Variants in ANXA11 observed in about 807,000 individuals in gnomAD.
The protein encoded by ANXA11 is 56 kDa autoantigen.
In ANXA11, 57 loss-of-function variants were observed where a neutral mutation model predicts 64.7. That is an observed-to-expected ratio of 0.88 (90% CI 0.71 to 1.10). The LOEUF is 1.10. Ranked by LOEUF, ANXA11 falls within the 50% of genes least tolerant of loss-of-function variation. The probability of loss-of-function intolerance (pLI) is 0.00; values close to 1 mark genes in which losing one functional copy is unlikely to be tolerated. For missense variants in ANXA11, 675 were observed against 670.7 expected (o/e 1.01, Z -0.07); for synonymous variants, 260 against 265.2 (o/e 0.98, Z 0.19).
chr10:80,178,830 C>G (rs1024061304), intron 1 of ANXA11, among the ~76,000 whole-genome samples: 1 of 152,186 alleles, frequency 6.6e-6, no homozygotes, highest in Non-Finnish European at 1.5e-5. Flanking sequence ...GCCCTAGCCC[C>G]CATATTCTGG....
chr10:80,181,344 C>G (rs990275338), intron 1 of ANXA11: 2 of 152,226 alleles, frequency 1.3e-5, no homozygotes, highest in Admixed American at 1.3e-4. Flanking sequence ...GTGGTCCCAG[C>G]TACTCTACTC....
intron 1 of ANXA11, among the ~76,000 whole-genome samples, chr10:80,187,998 C>T (rs1041718629): frequency 1.2e-4 from 19 of 152,038 alleles, no homozygotes; most frequent in African/African-American, 4.1e-4. Context: ...CTTCTCTAAA[C>T]CCTTCCCTCA....
At chr10:80,201,966 C>A (rs1003015421) in intron 1 of ANXA11, among the ~76,000 whole-genome samples, 2 of 152,192 alleles carry the variant, frequency 1.3e-5, no homozygotes, top group African/African-American at 4.8e-5. Flanking sequence ...AATTTCCTTT[C>A]CTTCTTTTCT....
At chr10:80,174,449 G>GT (rs370423454) in intron 2 of ANXA11, among the ~76,000 whole-genome samples, 33 of 152,074 alleles carry the variant, frequency 2.2e-4, no homozygotes, top group African/African-American at 7.7e-4. Context: ...GCTAATTTTT[G>GT]TATTTTTAGC....
chr10:80,154,123 C>CA lies in ANXA11; in HGVS notation c.*1729dup, dbSNP rs1354031101. 7.1e-6 allele frequency: 1 copy of CA among 141,194 alleles called. No homozygotes were observed. The highest frequency in any genetic ancestry group is 2.1e-4 in the East Asian group (1 of 4,836). The allele number at this position is 141,194 out of a possible 1,614,324, so 8.7% of individuals were successfully genotyped here. ...GGTAAATTTTTTTTTTTTTTTGAGA[C>CA]AGAGTCTCACTCTGTCCACCCAGGT... On this transcript the variant is annotated 3_prime_UTR_variant, in exon 16 of 16. Transcript: ENST00000422982.
chr10:80,186,255 T>C (rs1846533978), intron 1 of ANXA11, among the ~76,000 whole-genome samples: 2 of 151,636 alleles, frequency 1.3e-5, no homozygotes, highest in African/African-American at 4.9e-5. Context: ...CCTGGGCTAT[T>C]TGATAATGCC....
rs1297681301 is a variant in ANXA11, at chr10:80,161,987, C to T, written c.1128G>A (p.Glu376=). The T allele has an allele frequency of 6.2e-7, 1 of 1,612,556 alleles. No homozygotes were observed. Among genetic ancestry groups the T allele is most frequent in the Non-Finnish European group, 8.5e-7 (1 of 1,179,884 alleles). Residue 376 remains glutamate, a synonymous_variant, in exon 12 of 16, where the codon GAG becomes GAA. Transcript: ENST00000422982. ...AGCACAGAACCGCATTGAACTTGGA[C>T]TCGTCTGTTCCCAGGCGGTTCTCCC... is the stretch of plus-strand genomic sequence containing the variant. The part of the protein sequence containing the change: ...AAGENRLGTD[E]SKFNAVLCSR...
rs1845298433 is a variant in ANXA11, at chr10:80,156,925, C to CCT, written c.1458+715_1458+716insAG. 5 of 910,232 alleles carry CCT rather than the reference C, an allele frequency of 5.5e-6. No individual in the cohort carries two copies. In the Admixed American group the frequency reaches 3.1e-4, roughly 56 times the overall value. The allele number at this position is 910,232 out of a possible 1,614,324, so 56.4% of individuals were successfully genotyped here. A position where few individuals can be genotyped will look rare whatever the true frequency, so the allele number is the denominator to read the frequency against. ...TGAGTCTAAGGTGGGAGGACGTGGT[C>CCT]CCCATGGTGCAATTGCAAGGCTCAT... is the stretch of plus-strand genomic sequence containing the variant. On this transcript the variant is annotated intron_variant, in intron 15 of 15. Transcript: ENST00000422982.
At chr10:80,179,238 T>A (rs1278381453) in intron 1 of ANXA11, among the ~76,000 whole-genome samples, 1 of 152,080 alleles carries the variant, frequency 6.6e-6, no homozygotes, top group East Asian at 1.9e-4. Context: ...CAGGTTAAGA[T>A]CTGCCTGCCA....
chr10:80,153,023 AAGTGG>A lies in ANXA11; in HGVS notation c.*2825_*2829del, dbSNP rs1236343714. The A allele has an allele frequency of 3.3e-5, 5 of 152,262 alleles. No individual in the cohort carries two copies. Among genetic ancestry groups the A allele is most frequent in the African/African-American group, 1.2e-4 (5 of 41,456 alleles). 9.4% of individuals were successfully genotyped at this position (152,262 alleles called of 1,614,324 possible). A position where few individuals can be genotyped will look rare whatever the true frequency, so the allele number is the denominator to read the frequency against. Reference sequence around the variant, plus strand: ...AACTTACACAAGCAGGTTATATAACAAGTGGAGTATACGCCTGTGACCTAAACTCG... The same window carrying A: ...AACTTACACAAGCAGGTTATATAACAAGTATACGCCTGTGACCTAAACTCG... On this transcript the variant is annotated 3_prime_UTR_variant, in exon 16 of 16. Transcript: ENST00000422982.
intron 1 of ANXA11, among the ~76,000 whole-genome samples, chr10:80,198,896 G>A (rs1840289272): frequency 6.6e-6 from 1 of 152,092 alleles, no homozygotes; most frequent in African/African-American, 2.4e-5. Context: ...AGTATAATAA[G>A]TAATAAGCAA....
intron 1 of ANXA11, among the ~76,000 whole-genome samples, chr10:80,182,702 T>C (rs1195019251): frequency 6.6e-6 from 1 of 152,152 alleles, no homozygotes; most frequent in Non-Finnish European, 1.5e-5. Context: ...TGGCCTCCCA[T>C]TCCCCATATA....
chr10:80,187,307 G>C (rs965506500), intron 1 of ANXA11, among the ~76,000 whole-genome samples: 11 of 152,216 alleles, frequency 7.2e-5, no homozygotes, highest in Admixed American at 7.2e-4. Context: ...ATCCCAGAGG[G>C]CCCAACCCTT....
intron 1 of ANXA11, among the ~76,000 whole-genome samples, chr10:80,203,663 T>TA (rs1407159131): frequency 1.3e-5 from 2 of 151,638 alleles, no homozygotes; most frequent in Non-Finnish European, 2.9e-5. Context: ...GCCACACAAA[T>TA]ACTATGCAAG....
chr10:80,172,876 G>C lies in ANXA11; in HGVS notation c.-8-7C>G. ...GGGTAGCTCATGGTTAGATCTGGAA[G>C]AGAAGACGAAAGCACATTCAGGCTC... On this transcript the variant is annotated splice_region_variant and splice_polypyrimidine_tract_variant and intron_variant, in intron 2 of 15. Transcript: ENST00000422982. 6.2e-7 allele frequency: 1 copy of C among 1,613,762 alleles called. No homozygotes were observed. Among genetic ancestry groups the C allele is most frequent in the Non-Finnish European group, 8.5e-7 (1 of 1,179,812 alleles).
chr10:80,166,342 C>CT, intron 7 of ANXA11, 145 bp from the exon 8 acceptor site: 2 of 590,816 alleles, frequency 3.4e-6, no homozygotes, highest in South Asian at 4.1e-5. Context: ...GAAAAGCCTG[C>CT]TCTCAGCCCT....
rs1363265509 is a variant in ANXA11 at position 80,153,897 on chromosome 10, G to A, written c.*1956C>T. 1 of 152,196 alleles carries A rather than the reference G, an allele frequency of 6.6e-6. No individual in the cohort carries two copies. The highest frequency in any genetic ancestry group is 1.5e-5 in the Non-Finnish European group (1 of 68,046). The allele number at this position is 152,196 out of a possible 1,614,324, so 9.4% of individuals were successfully genotyped here. Reference sequence around the variant, plus strand: ...CTGGGGCTCCTGCCAGGACCCAGCAGGCTTGATCTAGCCTAGTCTCTCTGG... The same window carrying A: ...CTGGGGCTCCTGCCAGGACCCAGCAAGCTTGATCTAGCCTAGTCTCTCTGG... On this transcript the variant is annotated 3_prime_UTR_variant, in exon 16 of 16. Transcript: ENST00000422982.
chr10:80,175,569 C>T (rs1211867614), intron 2 of ANXA11, among the ~76,000 whole-genome samples: 1 of 150,866 alleles, frequency 6.6e-6, no homozygotes, highest in Non-Finnish European at 1.5e-5. Flanking sequence ...AATAAAATTT[C>T]AGCATAAGAG....
At chr10:80,157,919 C>T in intron 14 of ANXA11, 48 bp downstream of exon 14, 2 of 1,605,184 alleles carry the variant, frequency 1.2e-6, no homozygotes, top group Non-Finnish European at 1.7e-6. Context: ...GTCCCAGGCA[C>T]AGGCGAGGCT....
Sources: allele counts gnomAD v4.1 joint callset (sites outside exome capture counted in the v4.1 genomes callset), GRCh38; gene constraint gnomAD v4.1.1; transcripts MANE v1.5; gene names NCBI Gene and HGNC (gene_info 2026-07-23, HGNC 2026-07-21).